The following SGCZ variants were observed in gnomAD, a reference collection of about 807,000 sequenced individuals.
SGCZ encodes the protein sarcoglycan zeta, also known as zeta-sarcoglycan.
In SGCZ, 40 loss-of-function variants were observed where a neutral mutation model predicts 41.3. That is an observed-to-expected ratio of 0.97 (90% CI 0.75 to 1.26). The LOEUF is 1.26. SGCZ is among the 50% of genes most tolerant of loss of function. The pLI, the probability that SGCZ is intolerant of heterozygous loss-of-function variation, is 0.00. For missense variants in SGCZ, 552 were observed against 369.8 expected, an observed-to-expected ratio of 1.49 and a Z score of -4.04; for synonymous variants, 206 against 137.5, an observed-to-expected ratio of 1.50 and a Z score of -3.49.
chr8:14,302,316 A>G (rs1277793380), intron 3 of SGCZ, among the ~76,000 whole-genome samples: 1 of 152,176 alleles, frequency 6.6e-6, no homozygotes, highest in Non-Finnish European at 1.5e-5. Context: ...CGTAATCTTG[A>G]CTAATCCAGG....
chr8:14,429,789 T>G (rs1563323900), intron 2 of SGCZ, among the ~76,000 whole-genome samples: 1 of 151,932 alleles, frequency 6.6e-6, no homozygotes, highest in Non-Finnish European at 1.5e-5. Flanking sequence ...TTCTTGGACT[T>G]GTTTTTTTTT....
chr8:14,547,131 T>C (rs1301893042), intron 2 of SGCZ, among the ~76,000 whole-genome samples: 1 of 152,174 alleles, frequency 6.6e-6, no homozygotes, highest in Non-Finnish European at 1.5e-5. Context: ...TACAAAATAA[T>C]TCACAATATA....
intron 1 of SGCZ, among the ~76,000 whole-genome samples, chr8:15,165,542 C>T (rs1371196240): frequency 1.3e-5 from 2 of 152,116 alleles, no homozygotes; most frequent in African/African-American, 2.4e-5. Flanking sequence ...CTAACTACCC[C>T]GCAACTAAGA....
intron 5 of SGCZ, among the ~76,000 whole-genome samples, chr8:14,118,817 G>T (rs915839643): frequency 6.6e-6 from 1 of 152,140 alleles, no homozygotes; most frequent in Non-Finnish European, 1.5e-5. Flanking sequence ...ATTAAATAGG[G>T]AATCCTTTTC....
At chr8:15,003,147 T>C (rs1362318033) in intron 1 of SGCZ, among the ~76,000 whole-genome samples, 2 of 152,146 alleles carry the variant, frequency 1.3e-5, no homozygotes, top group African/African-American at 2.4e-5. Flanking sequence ...AGGTATATTG[T>C]TGTCTTGGGA....
At chr8:14,355,168 T>C (rs530309111) in intron 2 of SGCZ, among the ~76,000 whole-genome samples, 14 of 152,176 alleles carry the variant, frequency 9.2e-5, no homozygotes, top group African/African-American at 2.9e-4. Context: ...CCCAAAGTGT[T>C]TGTGTACTTT....
intron 4 of SGCZ, among the ~76,000 whole-genome samples, chr8:14,195,552 C>T (rs1483663468): frequency 6.6e-6 from 1 of 152,006 alleles, no homozygotes; most frequent in Non-Finnish European, 1.5e-5. Flanking sequence ...AACCACATCT[C>T]AACAAATCCT....
intron 1 of SGCZ, among the ~76,000 whole-genome samples, chr8:14,595,080 C>G (rs1805365629): frequency 6.7e-6 from 1 of 149,830 alleles, no homozygotes; most frequent in African/African-American, 2.5e-5. Context: ...TATACTGTTT[C>G]CTAATTTGTT....
intron 3 of SGCZ, among the ~76,000 whole-genome samples, chr8:14,253,041 C>G (rs1418860838): frequency 1.3e-5 from 2 of 151,874 alleles, no homozygotes; most frequent in East Asian, 3.9e-4. Flanking sequence ...TTTTGCATAA[C>G]CAATGAACTC....
intron 1 of SGCZ, among the ~76,000 whole-genome samples, chr8:14,851,079 T>G (rs990633969): frequency 7.2e-5 from 11 of 152,058 alleles, no homozygotes; most frequent in Non-Finnish European, 1.3e-4. Flanking sequence ...TTTTAAAGAA[T>G]GTATTCAAGG....
rs557032719 is a variant in SGCZ, at chr8:14,460,211, C to CA, written c.234+94520dup. Among the ~76,000 whole-genome samples the CA allele has an allele frequency of 3.3e-4, 50 of 152,076 alleles. 1 individual carries two copies. The highest frequency in any genetic ancestry group is 1.2e-3 in the African/African-American group (48 of 41,504). On this transcript the variant is annotated intron_variant, in intron 2 of 7. Coordinates refer to ENST00000382080, the MANE Select transcript of SGCZ (RefSeq NM_139167.4). ...TATAAAATTATTTCAAAATAATAAA[C>CA]AAAAATATGAGGTACTTTTTACTAC...
chr8:15,059,489 A>G (rs1416339661), intron 1 of SGCZ, among the ~76,000 whole-genome samples: 1 of 152,188 alleles, frequency 6.6e-6, no homozygotes, highest in Non-Finnish European at 1.5e-5. Context: ...CATAAAAGGG[A>G]AGCAATTAAA....
chr8:14,204,462 G>C (rs562557663), intron 4 of SGCZ, among the ~76,000 whole-genome samples: 22 of 152,200 alleles, frequency 1.4e-4, no homozygotes, highest in African/African-American at 5.3e-4. Flanking sequence ...CAAAACCATT[G>C]TTGACCTGCC....
intron 1 of SGCZ, among the ~76,000 whole-genome samples, chr8:14,832,080 A>G (rs1431161110): frequency 6.6e-6 from 1 of 152,200 alleles, no homozygotes; most frequent in Non-Finnish European, 1.5e-5. Flanking sequence ...AACGACAATA[A>G]TAATATCAAC....
At chr8:14,417,929 G>T (rs924306697) in intron 2 of SGCZ, among the ~76,000 whole-genome samples, 6 of 151,790 alleles carry the variant, frequency 4.0e-5, no homozygotes, top group African/African-American at 1.4e-4. Flanking sequence ...TTTAATCAGA[G>T]ATTCACATAT....
At chr8:14,485,907 T>A (rs1474349454) in intron 2 of SGCZ, among the ~76,000 whole-genome samples, 1 of 134,528 alleles carries the variant, frequency 7.4e-6, no homozygotes, top group Non-Finnish European at 1.5e-5. Flanking sequence ...AGTGGCGCAA[T>A]CTCGGCTCAC....
chr8:14,098,833 A>G lies in SGCZ; in HGVS notation c.744+3543T>C, dbSNP rs577399669. On this transcript the variant is annotated intron_variant, in intron 7 of 7. Coordinates refer to ENST00000382080, the MANE Select transcript of SGCZ (RefSeq NM_139167.4). The stretch of plus-strand genomic sequence containing the variant: ...ACAGCCTTAGAATCAAGCATGAGCT[A>G]TGGAGGCCTCATCAATGGAGTAAAC... Among the ~76,000 whole-genome samples, 7 of 152,232 alleles carry G rather than the reference A, an allele frequency of 4.6e-5. No homozygotes were observed. The East Asian group carries it at 1.4e-3, about 30-fold the overall frequency.
chr8:14,930,284 A>ATTTT (rs1799888486), intron 1 of SGCZ, among the ~76,000 whole-genome samples: 1 of 152,058 alleles, frequency 6.6e-6, no homozygotes, highest in Non-Finnish European at 1.5e-5. Context: ...AACCACAATG[A>ATTTT]GATACTATCT....
intron 1 of SGCZ, among the ~76,000 whole-genome samples, chr8:14,772,825 C>A (rs994424512): frequency 1.3e-5 from 2 of 151,976 alleles, no homozygotes; most frequent in African/African-American, 4.8e-5. Context: ...TCCAGTCTAT[C>A]ATTGTTGGAC....
Sources: gnomAD v4.1 joint callset for allele counts (sites outside exome capture counted in the v4.1 genomes callset) on GRCh38, gnomAD v4.1.1 for gene constraint, MANE v1.5 for transcripts, NCBI Gene and HGNC (gene_info 2026-07-23, HGNC 2026-07-21) for gene names.